The following ANXA8 variants were observed in gnomAD, a reference collection of about 807,000 sequenced individuals.
The protein encoded by ANXA8 is VAC-beta.
Under a neutral mutation model 26.8 loss-of-function variants are expected in ANXA8, and 9 were observed. That is an observed-to-expected ratio of 0.34 (90% CI 0.20 to 0.59). The LOEUF is 0.59. Ranked by LOEUF, ANXA8 falls within the 20% of genes least tolerant of loss-of-function variation. ANXA8 has a pLI of 0.84. For synonymous variants in ANXA8, 39 were observed against 94.8 expected (o/e 0.41, Z 3.42); for missense variants, 83 against 238.5 (o/e 0.35, Z 4.29).
chr10:47,918,431 A>AAGAG, the ANXA8 span, among the ~76,000 whole-genome samples: 325 of 31,094 alleles, frequency 0.01, 115 homozygotes, highest in Non-Finnish European at 0.017. Context: ...GAAAGAAAGA[A>AAGAG]AGAGAGAGAG....
chr10:47,577,383 A>T, the ANXA8 span, among the ~76,000 whole-genome samples: 104 of 150,086 alleles, frequency 6.9e-4, 2 homozygotes, highest in African/African-American at 2.5e-3. Flanking sequence ...AAATAAAAAT[A>T]ATTAGCCAGA....
chr10:47,769,361 G>A, the ANXA8 span, among the ~76,000 whole-genome samples: 2 of 149,856 alleles, frequency 1.3e-5, no homozygotes, highest in Non-Finnish European at 2.9e-5. Flanking sequence ...AGAGAGGAGA[G>A]AGGAGGCTGA....
chr10:47,651,606 G>A, the ANXA8 span, among the ~76,000 whole-genome samples: 90 of 149,878 alleles, frequency 6.0e-4, 2 homozygotes, highest in African/African-American at 2.1e-3. Context: ...TAAACAATAC[G>A]TGGTCCAGCT....
the ANXA8 span, among the ~76,000 whole-genome samples, chr10:47,953,744 CG>C: frequency 6.7e-6 from 1 of 150,340 alleles, no homozygotes; most frequent in Non-Finnish European, 1.5e-5. Context: ...TCTGAATAGA[CG>C]CTTCTCAAAA....
chr10:47,954,946 T>C, the ANXA8 span, among the ~76,000 whole-genome samples: 5 of 150,386 alleles, frequency 3.3e-5, no homozygotes, highest in Non-Finnish European at 7.4e-5. Context: ...AGAAACATTA[T>C]GATGAGTGAA....
the ANXA8 span, among the ~76,000 whole-genome samples, chr10:47,651,562 G>A: frequency 2.7e-5 from 4 of 150,280 alleles, no homozygotes; most frequent in Non-Finnish European, 4.4e-5. Flanking sequence ...AAAAGAGTGG[G>A]AACAACCTAA....
At chr10:47,493,143 G>A in the ANXA8 span, among the ~76,000 whole-genome samples, 8 of 151,354 alleles carry the variant, frequency 5.3e-5, no homozygotes, top group South Asian at 6.3e-4. Flanking sequence ...GGGGTGAATC[G>A]GGGCTTCAAC....
At chr10:47,706,843 T>G in the ANXA8 span, 8 of 810,906 alleles carry the variant, frequency 9.9e-6, 1 homozygote, top group African/African-American at 4.9e-5. Context: ...AAACTATGCT[T>G]CTTTTTTCTT....
At chr10:47,619,611 A>G in the ANXA8 span, among the ~76,000 whole-genome samples, 1 of 119,886 alleles carries the variant, frequency 8.3e-6, no homozygotes, top group Non-Finnish European at 1.8e-5. Context: ...GGGTGAATAA[A>G]TGTTTGCTAA....
chr10:47,945,107 G>A, the ANXA8 span, among the ~76,000 whole-genome samples: 2,627 of 147,880 alleles, frequency 0.018, 71 homozygotes, highest in African/African-American at 0.066. Flanking sequence ...CCCCAAGACT[G>A]GCTCAGGCCC....
At chr10:47,686,849 A>G in the ANXA8 span, among the ~76,000 whole-genome samples, 1 of 151,874 alleles carries the variant, frequency 6.6e-6, no homozygotes, top group Admixed American at 6.6e-5. Context: ...CTTTTATAAC[A>G]AAATGGTTGG....
chr10:47,956,797 A>G, the ANXA8 span, among the ~76,000 whole-genome samples: 1 of 149,760 alleles, frequency 6.7e-6, no homozygotes, highest in African/African-American at 2.5e-5. Context: ...CCAGGGCCTG[A>G]CACCACCTCC....
chr10:47,646,372 G>A, the ANXA8 span, among the ~76,000 whole-genome samples: 972 of 142,194 alleles, frequency 6.8e-3, 11 homozygotes, highest in African/African-American at 0.026. Flanking sequence ...TCACTTAGTA[G>A]AGCAAGCAAA....
chr10:47,743,201 G>GA, the ANXA8 span, among the ~76,000 whole-genome samples: 1 of 120,794 alleles, frequency 8.3e-6, no homozygotes, highest in African/African-American at 3.1e-5. Context: ...AATGGAAAAA[G>GA]AAAAAAATCT....
At chr10:47,549,931 C>T in the ANXA8 span, among the ~76,000 whole-genome samples, 1 of 145,908 alleles carries the variant, frequency 6.9e-6, no homozygotes, top group South Asian at 2.1e-4. Context: ...ATGGGGAAAT[C>T]CCATCTCTAC....
chr10:47,484,571 G>A, upstream of ANXA8: 1 of 1,398,582 alleles, frequency 7.2e-7, no homozygotes, highest in Non-Finnish European at 9.5e-7. Flanking sequence ...GACCGGTGAT[G>A]GCCTCAGCTC....
At chr10:47,896,517 C>A in the ANXA8 span, among the ~76,000 whole-genome samples, 5 of 151,346 alleles carry the variant, frequency 3.3e-5, no homozygotes, top group Admixed American at 3.3e-4. Flanking sequence ...CTGAATAAAA[C>A]TAACTTTAAT....
the ANXA8 span, among the ~76,000 whole-genome samples, chr10:47,702,217 T>C: frequency 6.6e-6 from 1 of 150,632 alleles, no homozygotes; most frequent in Admixed American, 6.6e-5. Context: ...GGTGGGATAG[T>C]ACACATACAT....
chr10:47,943,516 TGG>T, the ANXA8 span, among the ~76,000 whole-genome samples: 2 of 145,798 alleles, frequency 1.4e-5, no homozygotes, highest in Non-Finnish European at 3.0e-5. Context: ...GGGCTACTCA[TGG>T]GGCGGGGAGT....
Sources: allele counts gnomAD v4.1 joint callset (sites outside exome capture counted in the v4.1 genomes callset), GRCh38; gene constraint gnomAD v4.1.1; transcripts MANE v1.5; gene names NCBI Gene and HGNC (gene_info 2026-07-23, HGNC 2026-07-21).